KCNQ1: variants seen among roughly 807,000 people sequenced by gnomAD.
KCNQ1 encodes potassium voltage-gated channel subfamily KQT member 1.
In KCNQ1, 49 loss-of-function variants were observed where a neutral mutation model predicts 72.4. The observed-to-expected ratio is 0.68, with a 90% confidence interval of 0.54 to 0.86. The LOEUF (loss-of-function observed/expected upper bound fraction) is 0.86, where lower values mean the gene tolerates loss of function less well. KCNQ1 is among the 40% of genes least tolerant of loss of function. The pLI is 0.00. For missense variants in KCNQ1, 790 were observed against 945.1 expected (o/e 0.84, Z 2.15); for synonymous variants, 450 against 412.6 (o/e 1.09, Z -1.10).
At chr11:2,777,729 C>G (rs1846735586) in intron 14 of KCNQ1, 2 of 608,776 alleles carry the variant, frequency 3.3e-6, no homozygotes, top group East Asian at 2.7e-5. Flanking sequence ...CCCTAGGGCT[C>G]TCAGAGGTCA....
intron 2 of KCNQ1, among the ~76,000 whole-genome samples, chr11:2,528,780 G>A (rs1161800531): frequency 6.6e-6 from 1 of 152,234 alleles, no homozygotes; most frequent in African/African-American, 2.4e-5. Flanking sequence ...TCAGCTCCCG[G>A]CATGCACAGG....
chr11:2,505,485 T>C (rs35080179), intron 1 of KCNQ1, among the ~76,000 whole-genome samples: 2,084 of 152,268 alleles, frequency 0.014, 41 homozygotes, highest in African/African-American at 0.047. Context: ...TGGTTAGATC[T>C]AGGTGGCTTA....
chr11:2,635,872 G>C (rs1464951096), intron 10 of KCNQ1: 8 of 152,134 alleles, frequency 5.3e-5, no homozygotes, highest in Non-Finnish European at 1.0e-4. Context: ...GCAGTGGTTT[G>C]TACTTCTCCT....
rs1327036209 is a variant in KCNQ1 at position 2,653,328 on chromosome 11, G to A, written c.1394-8633G>A. Reference sequence around the variant, plus strand: ...TATTTTGTAACCTTGACTGCCCCCAGGCCCATGTCCGTAGGCTCACACCTC... The same window carrying A: ...TATTTTGTAACCTTGACTGCCCCCAAGCCCATGTCCGTAGGCTCACACCTC... On this transcript the variant is annotated intron_variant, in intron 10 of 15. Transcript: ENST00000155840. The surrounding 1 kb of genome is among the most constrained non-coding windows in gnomAD (Gnocchi z 5.3). The A allele has an allele frequency of 7.5e-6, 3 of 398,606 alleles. No homozygotes were observed. The highest frequency in any genetic ancestry group is 2.1e-5 in the African/African-American group (1 of 48,632). 24.7% of individuals were successfully genotyped at this position (398,606 alleles called of 1,614,324 possible).
chr11:2,798,811 C>T (rs78939310), intron 15 of KCNQ1, among the ~76,000 whole-genome samples: 8 of 152,210 alleles, frequency 5.3e-5, no homozygotes, highest in Non-Finnish European at 8.8e-5. Context: ...ATAAATTGGT[C>T]GCGTTGTTTG....
intron 11 of KCNQ1, chr11:2,685,900 C>T (rs1308911033): frequency 2.3e-5 from 9 of 398,638 alleles, no homozygotes; most frequent in Non-Finnish European, 2.7e-5. Context: ...AACTTGTTCT[C>T]CACGGATGAG....
rs1196515966 is a variant in KCNQ1, at chr11:2,710,859, A to G, written c.1514+48778A>G. Among the ~76,000 whole-genome samples the G allele has an allele frequency of 1.3e-5, 2 of 152,222 alleles. No individual in the cohort carries two copies. The highest frequency in any genetic ancestry group is 6.5e-5 in the Admixed American group (1 of 15,284). On this transcript the variant is annotated intron_variant, in intron 11 of 15. Coordinates refer to ENST00000155840, the MANE Select transcript of KCNQ1 (RefSeq NM_000218.3). The surrounding 1 kb of genome is among the most constrained non-coding windows in gnomAD (Gnocchi z 4.1). ...GTTTGTCTATCCTTATGCCAGTACTATATCGTCTTGATTGTTATAGCTTTG... is the reference window on the plus strand; with the variant it reads ...GTTTGTCTATCCTTATGCCAGTACTGTATCGTCTTGATTGTTATAGCTTTG...
Position 2,507,980 on chromosome 11 carries a change from A to T in KCNQ1, c.387-19948A>T, listed in dbSNP as rs1222590951. 6.6e-6 allele frequency among the ~76,000 whole-genome samples: 1 copy of T among 151,996 alleles called. No individual in the cohort carries two copies. Among genetic ancestry groups the T allele is most frequent in the Non-Finnish European group, 1.5e-5 (1 of 67,966 alleles). Reference sequence around the variant, plus strand: ...GATGTGGGGTTATGAGTTTTATTCCACACACGTATGTGGGAGTCTGGGTCC... The same window carrying T: ...GATGTGGGGTTATGAGTTTTATTCCTCACACGTATGTGGGAGTCTGGGTCC... On this transcript the variant is annotated intron_variant, in intron 1 of 15. Transcript: ENST00000155840. This position sits in a 1 kb window ranked among gnomAD's most constrained non-coding sequence, Gnocchi z 5.4.
At chr11:2,791,128 G>A (rs1404604708) in intron 15 of KCNQ1, among the ~76,000 whole-genome samples, 1 of 152,238 alleles carries the variant, frequency 6.6e-6, no homozygotes, top group Non-Finnish European at 1.5e-5. Context: ...CAGCTCAAGT[G>A]TGTGTCAACT....
chr11:2,576,519 G>A (rs896858079), intron 6 of KCNQ1, among the ~76,000 whole-genome samples: 11 of 152,228 alleles, frequency 7.2e-5, no homozygotes, highest in African/African-American at 2.4e-4. Context: ...GGAGGCTGCC[G>A]GGCTGTGTTT....
intron 1 of KCNQ1, among the ~76,000 whole-genome samples, chr11:2,456,174 C>A (rs1413215231): frequency 6.6e-6 from 1 of 151,990 alleles, no homozygotes; most frequent in Admixed American, 6.6e-5. Context: ...CCCATCTCTA[C>A]TAAAAATACA....
chr11:2,786,328 A>G (rs1846912546), intron 15 of KCNQ1, among the ~76,000 whole-genome samples: 1 of 152,214 alleles, frequency 6.6e-6, no homozygotes, highest in Admixed American at 6.5e-5. Context: ...GCTCCTTGGA[A>G]GACAATCTGT....
intron 10 of KCNQ1, chr11:2,641,142 C>A (rs1849570135): frequency 2.5e-6 from 1 of 398,482 alleles, no homozygotes; most frequent in Non-Finnish European, 4.4e-6. Flanking sequence ...GATGCAGGTA[C>A]ATTTTTAGTA....
intron 1 of KCNQ1, among the ~76,000 whole-genome samples, chr11:2,480,640 A>G (rs1589904130): frequency 6.6e-6 from 1 of 152,238 alleles, no homozygotes; most frequent in Non-Finnish European, 1.5e-5. Context: ...GCCAAACCAT[A>G]TCAGAGTTGA....
In KCNQ1 at chr11:2,481,970, G is replaced by A. The variant is rs539006615; in HGVS notation, c.386+36486G>A. 8.5e-5 allele frequency among the ~76,000 whole-genome samples: 13 copies of A among 152,196 alleles called. No individual in the cohort carries two copies. Among genetic ancestry groups the A allele is most frequent in the Admixed American group, 2.6e-4 (4 of 15,278 alleles). ...CACACCACTGGTCTGTGGAAAAACT[G>A]TTTTCCATGAAACCAGTCACTGGTC... On this transcript the variant is annotated intron_variant, in intron 1 of 15. Transcript: ENST00000155840. This position sits in a 1 kb window ranked among gnomAD's most constrained non-coding sequence, Gnocchi z 4.6.
rs990945049 is a variant in KCNQ1, at chr11:2,573,057, C to T, written c.921+71C>T. 10 of 1,556,092 alleles carry T rather than the reference C, an allele frequency of 6.4e-6. No individual in the cohort carries two copies. The African/African-American group carries it at 1.2e-4, about 19-fold the overall frequency. On this transcript the variant is annotated intron_variant, in intron 6 of 15. Coordinates refer to ENST00000155840, the MANE Select transcript of KCNQ1 (RefSeq NM_000218.3). ...GAGGAGTGGGCAGGACATCTGGGCA[C>T]TGGTGTCTTGAGACTTCGGGCCTTG...
At chr11:2,736,295 G>A (rs560446804) in intron 11 of KCNQ1, among the ~76,000 whole-genome samples, 9 of 152,304 alleles carry the variant, frequency 5.9e-5, no homozygotes, top group Admixed American at 2.0e-4. Flanking sequence ...GATTAAAGGC[G>A]ACCGAGCTTG....
At position 2,481,508 on chromosome 11, in the gene KCNQ1, C is replaced by G. The variant is rs1589904680; in HGVS notation, c.386+36024C>G. Among the ~76,000 whole-genome samples, 1 of 152,184 alleles carries G rather than the reference C, an allele frequency of 6.6e-6. No homozygotes were observed. The highest frequency in any genetic ancestry group is 1.5e-5 in the Non-Finnish European group (1 of 68,026). ...GCCATCAGCCAGGCGTCCCCAACCC[C>G]CAGGCCATGAAGCACTACCAGTCCA... On this transcript the variant is annotated intron_variant, in intron 1 of 15. Coordinates refer to ENST00000155840, the MANE Select transcript of KCNQ1 (RefSeq NM_000218.3). This position sits in a 1 kb window ranked among gnomAD's most constrained non-coding sequence, Gnocchi z 4.6.
rs1419335293 is a variant in KCNQ1, at chr11:2,767,628, G to A, written c.1515-1216G>A. 2.6e-5 allele frequency among the ~76,000 whole-genome samples: 4 copies of A among 152,212 alleles called. No individual in the cohort carries two copies. The highest frequency in any genetic ancestry group is 2.0e-4 in the Admixed American group (3 of 15,282). On this transcript the variant is annotated intron_variant, in intron 11 of 15. Coordinates refer to ENST00000155840, the MANE Select transcript of KCNQ1 (RefSeq NM_000218.3). This position sits in a 1 kb window ranked among gnomAD's most constrained non-coding sequence, Gnocchi z 4.6. ...CTTACTCCAGTAGGGGATTGAGAGA[G>A]GTGGGGTTAATGTGATGGAAAGTTG...
Sources: gnomAD v4.1 joint callset for allele counts (sites outside exome capture counted in the v4.1 genomes callset) on GRCh38, gnomAD v4.1.1 for gene constraint, Gnocchi (gnomAD v3.1) non-coding constraint, MANE v1.5 for transcripts, NCBI Gene and HGNC (gene_info 2026-07-23, HGNC 2026-07-21) for gene names.